Variants in SSR1 observed in about 807,000 individuals in gnomAD.
SSR1 encodes translocon-associated protein subunit alpha.
Under a neutral mutation model 36.1 loss-of-function variants are expected in SSR1, and 13 were observed. The observed-to-expected ratio is 0.36, with a 90% CI of 0.23 to 0.57. The LOEUF (loss-of-function observed/expected upper bound fraction) is 0.57, where lower values mean the gene tolerates loss of function less well. Among genes scored for constraint, SSR1 ranks in the 20% least tolerant of loss-of-function variants. The probability of loss-of-function intolerance (pLI) is 0.81; values close to 1 mark genes in which losing one functional copy is unlikely to be tolerated. For synonymous variants in SSR1, 113 were observed against 118.9 expected, an observed-to-expected ratio of 0.95 and a Z score of 0.32; for missense variants, 291 against 338.5, an observed-to-expected ratio of 0.86 and a Z score of 1.10.
chr6:7,306,580 C>T (rs1465367368), intron 2 of SSR1, among the ~76,000 whole-genome samples: 1 of 152,030 alleles, frequency 6.6e-6, no homozygotes, highest in East Asian at 1.9e-4. Context: ...CCATTGCGAC[C>T]CAGTTTTATA....
Position 7,287,126 on chromosome 6 carries a change from G to T in SSR1, c.*2738C>A, listed in dbSNP as rs1757572649. ...TCATATCAAGGGTATGGATATCATT[G>T]TACAAGATGAATGCTATATATGAGG... is the stretch of plus-strand genomic sequence containing the variant. On this transcript the variant is annotated 3_prime_UTR_variant, in exon 8 of 8. Coordinates refer to ENST00000244763, the MANE Select transcript of SSR1 (RefSeq NM_003144.5). The T allele has an allele frequency of 6.6e-6, 1 of 152,020 alleles. No individual in the cohort carries two copies. Among genetic ancestry groups the T allele is most frequent in the South Asian group, 2.1e-4 (1 of 4,826 alleles). 9.4% of individuals were successfully genotyped at this position (152,020 alleles called of 1,614,324 possible).
chr6:7,286,066 C>T lies in SSR1; in HGVS notation c.*3798G>A, dbSNP rs1366382337. On this transcript the variant is annotated 3_prime_UTR_variant, in exon 8 of 8. Coordinates refer to ENST00000244763, the MANE Select transcript of SSR1 (RefSeq NM_003144.5). ...ATTCAGGTTTTGTCTATTCCATCTACAAAATGGGAACAGTATCACCTTCCT... is the reference window on the plus strand; with the variant it reads ...ATTCAGGTTTTGTCTATTCCATCTATAAAATGGGAACAGTATCACCTTCCT... The T allele has an allele frequency of 2.0e-5, 3 of 152,068 alleles. No homozygotes were observed. The highest frequency in any genetic ancestry group is 4.4e-5 in the Non-Finnish European group (3 of 68,028). 9.4% of individuals were successfully genotyped at this position (152,068 alleles called of 1,614,324 possible). A position where few individuals can be genotyped will look rare whatever the true frequency, so the allele number is the denominator to read the frequency against.
rs1291646873 is a variant in SSR1 at position 7,282,808 on chromosome 6, A to G, written c.*7056T>C. ...CCAGCAGCTTGTAGGACCAAATGAGAAAAATACATAATCATTATGTTTTAG... is the reference window on the plus strand; with the variant it reads ...CCAGCAGCTTGTAGGACCAAATGAGGAAAATACATAATCATTATGTTTTAG... On this transcript the variant is annotated 3_prime_UTR_variant, in exon 8 of 8. Transcript: ENST00000244763. 6.6e-6 allele frequency: 1 copy of G among 152,258 alleles called. No homozygotes were observed. The highest frequency in any genetic ancestry group is 2.4e-5 in the African/African-American group (1 of 41,472). The allele number at this position is 152,258 out of a possible 1,614,324, so 9.4% of individuals were successfully genotyped here.
chr6:7,306,298 A>G (rs1002795629), intron 2 of SSR1, among the ~76,000 whole-genome samples: 1 of 151,864 alleles, frequency 6.6e-6, no homozygotes, highest in Non-Finnish European at 1.5e-5. Flanking sequence ...GCCCACCACC[A>G]CACCCGGCAG....
chr6:7,295,287 G>T (rs1757767731), intron 7 of SSR1, 105 bp downstream of exon 7: 2 of 1,115,490 alleles, frequency 1.8e-6, no homozygotes, highest in Admixed American at 2.7e-5. Flanking sequence ...TGGAAAAGAT[G>T]AATGTTAAAT....
Position 7,283,768 on chromosome 6 carries a change from A to C in SSR1, c.*6096T>G, listed in dbSNP as rs1757483708. On this transcript the variant is annotated 3_prime_UTR_variant, in exon 8 of 8. Transcript: ENST00000244763. Reference sequence around the variant, plus strand: ...TCAGAGAATACAAAATATCAAGCAAATCCTAAGTGTTGAAGCTAGAACCCA... The same window carrying C: ...TCAGAGAATACAAAATATCAAGCAACTCCTAAGTGTTGAAGCTAGAACCCA... 1 of 149,120 alleles carries C rather than the reference A, an allele frequency of 6.7e-6. No individual in the cohort carries two copies. The highest frequency in any genetic ancestry group is 2.1e-4 in the South Asian group (1 of 4,758). The allele number at this position is 149,120 out of a possible 1,614,324, so 9.2% of individuals were successfully genotyped here.
chr6:7,303,687 CA>C, intron 2 of SSR1, 50 bp from the exon 3 acceptor site: 1 of 1,409,414 alleles, frequency 7.1e-7, no homozygotes, highest in South Asian at 1.2e-5. Flanking sequence ...AAAAAAAAAT[CA>C]TTATTTAAAA....
intron 7 of SSR1, among the ~76,000 whole-genome samples, chr6:7,290,585 A>G (rs1187581212): frequency 2.0e-5 from 3 of 152,320 alleles, no homozygotes; most frequent in Non-Finnish European, 4.4e-5. Context: ...GGTACTTTAC[A>G]TATTAGGAAG....
In SSR1 at chr6:7,295,408, T is replaced by C; in HGVS notation, c.777A>G (p.Glu259=). 4 of 1,611,754 alleles carry C rather than the reference T, an allele frequency of 2.5e-6. No homozygotes were observed. The highest frequency in any genetic ancestry group is 3.4e-6 in the Non-Finnish European group (4 of 1,179,180). ...NDVDMSWIPQ[E]TLNQINKASP... Reference sequence around the variant, plus strand: ...ACTACTTACTGATTTGATTCAATGTTTCCTGAGGAATCCAACTCATGTCAA... The same window carrying C: ...ACTACTTACTGATTTGATTCAATGTCTCCTGAGGAATCCAACTCATGTCAA... The change falls in exon 7 of 8, where the codon GAA becomes GAG. Residue 259 remains glutamate (E), a synonymous_variant. Coordinates refer to ENST00000244763, the MANE Select transcript of SSR1 (RefSeq NM_003144.5).
chr6:7,309,847 T>G (rs1356649324), intron 2 of SSR1, 70 bp downstream of exon 2: 1 of 1,252,606 alleles, frequency 8.0e-7, no homozygotes, highest in Admixed American at 1.7e-5. Context: ...TATGTCTTTA[T>G]TAGCAGCATG....
intron 1 of SSR1, among the ~76,000 whole-genome samples, chr6:7,312,403 CT>C (rs1173470508): frequency 6.6e-6 from 1 of 152,148 alleles, no homozygotes. Context: ...ATTCTTCAGT[CT>C]GCTTGGCAGC....
At chr6:7,290,860 T>G (rs1480293268) in intron 7 of SSR1, among the ~76,000 whole-genome samples, 1 of 152,026 alleles carries the variant, frequency 6.6e-6, no homozygotes, top group African/African-American at 2.4e-5. Context: ...AATTATGAGA[T>G]CACCATGCCT....
At chr6:7,300,878 G>A (rs1165310194) in intron 4 of SSR1, among the ~76,000 whole-genome samples, 1 of 152,128 alleles carries the variant, frequency 6.6e-6, no homozygotes, top group Admixed American at 6.5e-5. Flanking sequence ...CCCGACCTCA[G>A]GTGATCCACC....
In SSR1 at chr6:7,286,746, A is replaced by C. The variant is rs1425339463; in HGVS notation, c.*3118T>G. ...GGCCAAATGACGAAACCCCGTCTCT[A>C]CTAAAAATGCAAAAATTAGGCAGGT... On this transcript the variant is annotated 3_prime_UTR_variant, in exon 8 of 8. Transcript: ENST00000244763. The C allele has an allele frequency of 6.6e-6, 1 of 152,112 alleles. No individual in the cohort carries two copies. The highest frequency in any genetic ancestry group is 1.5e-5 in the Non-Finnish European group (1 of 68,024). The allele number at this position is 152,112 out of a possible 1,614,324, so 9.4% of individuals were successfully genotyped here. A position where few individuals can be genotyped will look rare whatever the true frequency, so the allele number is the denominator to read the frequency against.
Position 7,301,613 on chromosome 6 carries a change from A to G in SSR1, c.281-41T>C, listed in dbSNP as rs781037484. 1.2e-5 allele frequency: 19 copies of G among 1,556,742 alleles called. 1 individual carries two copies. In the South Asian group the frequency reaches 2.3e-4, roughly 19 times the overall value. On this transcript the variant is annotated intron_variant, in intron 3 of 7. Transcript: ENST00000244763. Reference sequence around the variant, plus strand: ...GAGACAAAAAAATTAGAACACATGGAAAGAGCACAAAATATTTAAAAAGGC... The same window carrying G: ...GAGACAAAAAAATTAGAACACATGGGAAGAGCACAAAATATTTAAAAAGGC...
intron 1 of SSR1, among the ~76,000 whole-genome samples, chr6:7,310,320 T>C (rs1487891647): frequency 6.6e-6 from 1 of 151,366 alleles, no homozygotes; most frequent in South Asian, 2.1e-4. Context: ...CTCAAACTCC[T>C]GGGCCCAAGT....
At chr6:7,297,011 A>G in intron 6 of SSR1, 1 of 180,854 alleles carries the variant, frequency 5.5e-6, no homozygotes, top group South Asian at 7.4e-5. Context: ...GCTTGAGCCC[A>G]GGAGTTCGAG....
At chr6:7,293,212 C>T (rs1195159608) in intron 7 of SSR1, among the ~76,000 whole-genome samples, 3 of 150,250 alleles carry the variant, frequency 2.0e-5, no homozygotes, top group Admixed American at 6.6e-5. Context: ...ACTATTATTT[C>T]ACTAGTTTTG....
Position 7,283,743 on chromosome 6 carries a change from T to G in SSR1, c.*6121A>C, listed in dbSNP as rs1272617366. Reference sequence around the variant, plus strand: ...AGCAGAAACAAATACAGGCAGTGCCTCAGAGAATACAAAATATCAAGCAAA... The same window carrying G: ...AGCAGAAACAAATACAGGCAGTGCCGCAGAGAATACAAAATATCAAGCAAA... On this transcript the variant is annotated 3_prime_UTR_variant, in exon 8 of 8. Transcript: ENST00000244763. 6.6e-6 allele frequency: 1 copy of G among 152,028 alleles called. No homozygotes were observed. The highest frequency in any genetic ancestry group is 6.6e-5 in the Admixed American group (1 of 15,232). The allele number at this position is 152,028 out of a possible 1,614,324, so 9.4% of individuals were successfully genotyped here.
Sources: gnomAD v4.1 joint callset for allele counts (sites outside exome capture counted in the v4.1 genomes callset) on GRCh38, gnomAD v4.1.1 for gene constraint, MANE v1.5 for transcripts, NCBI Gene and HGNC (gene_info 2026-07-23, HGNC 2026-07-21) for gene names.